The following SMG7 variants were observed in gnomAD, a reference collection of about 807,000 sequenced individuals.
SMG7 encodes SMG7 nonsense mediated mRNA decay factor, also known as nonsense-mediated mRNA decay factor SMG7.
In SMG7, 34 loss-of-function variants were observed where a neutral mutation model predicts 148.2. The observed-to-expected ratio is 0.23, with a 90% confidence interval of 0.17 to 0.31. SMG7 has a LOEUF of 0.31. Ranked by LOEUF, SMG7 falls within the 10% of genes least tolerant of loss-of-function variation. The pLI is 1.00. For missense variants in SMG7, 1,114 were observed against 1,408.4 expected, an observed-to-expected ratio of 0.79 and a Z score of 3.35; for synonymous variants, 492 against 515.1, an observed-to-expected ratio of 0.96 and a Z score of 0.61.
At chr1:183,482,228 G>T (rs1475269253) in intron 1 of SMG7, among the ~76,000 whole-genome samples, 1 of 151,786 alleles carries the variant, frequency 6.6e-6, no homozygotes, top group African/African-American at 2.4e-5. Context: ...TTGTGTGGGG[G>T]TGGGGGGTCT....
intron 2 of SMG7, among the ~76,000 whole-genome samples, chr1:183,515,378 G>C (rs759511832): frequency 2.6e-5 from 4 of 152,158 alleles, no homozygotes; most frequent in Admixed American, 1.3e-4. Context: ...TAGATAATCA[G>C]CTGATGTGAG....
rs745921860 is a variant in SMG7, at chr1:183,550,928, T to A, written c.3304+7T>A. The A allele has an allele frequency of 9.9e-6, 16 of 1,614,044 alleles. No individual in the cohort carries two copies. The highest frequency in any genetic ancestry group is 1.4e-5 in the Non-Finnish European group (16 of 1,179,960). On this transcript the variant is annotated splice_region_variant and intron_variant, in intron 21 of 22. Coordinates refer to ENST00000688051, the MANE Select transcript of SMG7 (RefSeq NM_001375584.1). Reference sequence around the variant, plus strand: ...TGGAAAACTGATAAGCCAGGTGAGATCTACATTTCATTGCCAGGCAAAATT... The same window carrying A: ...TGGAAAACTGATAAGCCAGGTGAGAACTACATTTCATTGCCAGGCAAAATT...
rs561822271 is a variant in SMG7, at chr1:183,494,750, C to T, written c.30-18087C>T. On this transcript the variant is annotated intron_variant, in intron 1 of 22. Transcript: ENST00000688051. Reference sequence around the variant, plus strand: ...TTTTCTGATAAGAACTTAGCTAGCCCTTGTTCTTTTTTTTTTTTTTTTTTT... The same window carrying T: ...TTTTCTGATAAGAACTTAGCTAGCCTTTGTTCTTTTTTTTTTTTTTTTTTT... Among the ~76,000 whole-genome samples the T allele has an allele frequency of 3.5e-5, 4 of 115,332 alleles. No individual in the cohort carries two copies. The East Asian group carries it at 8.5e-4, about 24-fold the overall frequency. 75.7% of individuals were successfully genotyped at this position (115,332 alleles called of 152,430 possible).
intron 4 of SMG7, among the ~76,000 whole-genome samples, chr1:183,525,508 A>G (rs1665661080): frequency 6.6e-6 from 1 of 152,192 alleles, no homozygotes; most frequent in South Asian, 2.1e-4. Context: ...GAGAAGAAGG[A>G]GAGACATTAA....
chr1:183,517,920 T>C, intron 4 of SMG7, 100 bp downstream of exon 4: 1 of 1,206,810 alleles, frequency 8.3e-7, no homozygotes, highest in Non-Finnish European at 1.2e-6. Flanking sequence ...GTAACCACTA[T>C]GTGGGCCATC....
intron 13 of SMG7, among the ~76,000 whole-genome samples, chr1:183,541,537 C>G (rs1003781129): frequency 6.6e-6 from 1 of 151,944 alleles, no homozygotes; most frequent in Non-Finnish European, 1.5e-5. Context: ...GGGAAAAGAA[C>G]GCAGGTTTTG....
rs747121044 is a variant in SMG7 at position 183,512,910 on chromosome 1, A to G, written c.61+42A>G. 7.2e-6 allele frequency: 11 copies of G among 1,520,642 alleles called. No individual in the cohort carries two copies. The Admixed American group carries it at 2.3e-4, about 31-fold the overall frequency. The allele number at this position is 1,520,642 out of a possible 1,614,324, so 94.2% of individuals were successfully genotyped here. A position where few individuals can be genotyped will look rare whatever the true frequency, so the allele number is the denominator to read the frequency against. ...TTCTTTTTCACAACATATTTTATATATTAAATTAATGGAAGGATATCCTCT... is the reference window on the plus strand; with the variant it reads ...TTCTTTTTCACAACATATTTTATATGTTAAATTAATGGAAGGATATCCTCT... On this transcript the variant is annotated intron_variant, in intron 2 of 22. Coordinates refer to ENST00000688051, the MANE Select transcript of SMG7 (RefSeq NM_001375584.1).
intron 4 of SMG7, among the ~76,000 whole-genome samples, chr1:183,518,095 A>T (rs982121724): frequency 6.6e-6 from 1 of 152,140 alleles, no homozygotes; most frequent in Non-Finnish European, 1.5e-5. Context: ...ACTAAGGTGC[A>T]TGCCAACACG....
chr1:183,512,976 C>A, intron 2 of SMG7, 108 bp downstream of exon 2: 2 of 959,912 alleles, frequency 2.1e-6, no homozygotes, highest in Non-Finnish European at 3.1e-6. Flanking sequence ...TCTTAGTTGC[C>A]AAAAGGGATG....
intron 1 of SMG7, among the ~76,000 whole-genome samples, chr1:183,482,088 A>T (rs1049796341): frequency 6.6e-6 from 1 of 152,228 alleles, no homozygotes; most frequent in Non-Finnish European, 1.5e-5. Context: ...GAAGAACTCT[A>T]AAAGAATCCT....
At chr1:183,493,859 C>T (rs541182148) in intron 1 of SMG7, among the ~76,000 whole-genome samples, 3 of 152,296 alleles carry the variant, frequency 2.0e-5, no homozygotes, top group South Asian at 2.1e-4. Context: ...GGATTACAGG[C>T]GTGAGTCATA....
intron 1 of SMG7, among the ~76,000 whole-genome samples, chr1:183,477,634 A>T (rs1464129322): frequency 2.3e-5 from 3 of 128,624 alleles, no homozygotes; most frequent in Non-Finnish European, 5.0e-5. Flanking sequence ...ATATGTGTAT[A>T]TATGCATATA....
chr1:183,542,557 G>A (rs949942430), intron 14 of SMG7, 55 bp downstream of exon 14: 9 of 1,460,598 alleles, frequency 6.2e-6, no homozygotes, highest in Non-Finnish European at 7.4e-6. Flanking sequence ...CAAAAGGCAA[G>A]ATTTTTCATT....
chr1:183,528,459 A>G (rs1666289389), intron 6 of SMG7, among the ~76,000 whole-genome samples: 1 of 152,196 alleles, frequency 6.6e-6, no homozygotes. Context: ...ATTACAGCAG[A>G]TATTTAATTA....
chr1:183,518,504 T>C (rs895463089), intron 4 of SMG7: 2 of 152,218 alleles, frequency 1.3e-5, no homozygotes, highest in African/African-American at 2.4e-5. Flanking sequence ...AAATTTGTAA[T>C]ATCAAGTGAG....
intron 2 of SMG7, among the ~76,000 whole-genome samples, chr1:183,513,509 T>A (rs1240487664): frequency 6.6e-6 from 1 of 151,760 alleles, no homozygotes; most frequent in Non-Finnish European, 1.5e-5. Flanking sequence ...GTAGGTGTGA[T>A]TATAGGCACA....
At position 183,545,990 on chromosome 1, in the gene SMG7, C is replaced by G; in HGVS notation, c.2395C>G (p.Gln799Glu). Residue 799 changes from glutamine (Q) to glutamate (E), a missense_variant, in exon 17 of 23, where the codon CAG (glutamine) becomes GAG (glutamate). Physicochemically the swap from Gln to Glu is conservative, Grantham distance 29. Transcript: ENST00000688051. ...QQYQQADASK[Q>E]LWNPPQVQGP... ...GTATCAACAGGCAGATGCCTCCAAACAGCTGTGGAATCCCCCTCAGGTTCA... is the reference window on the plus strand; with the variant it reads ...GTATCAACAGGCAGATGCCTCCAAAGAGCTGTGGAATCCCCCTCAGGTTCA... 1 of 1,606,214 alleles carries G rather than the reference C, an allele frequency of 6.2e-7. No homozygotes were observed. The highest frequency in any genetic ancestry group is 1.3e-5 in the African/African-American group (1 of 74,348).
intron 6 of SMG7, 38 bp from the exon 7 acceptor site, chr1:183,528,852 ACT>A (rs1178250970): frequency 6.5e-7 from 1 of 1,534,928 alleles, no homozygotes; most frequent in African/African-American, 1.4e-5. Context: ...AGACTTTGTC[ACT>A]CTTGGGGTTA....
intron 1 of SMG7, among the ~76,000 whole-genome samples, chr1:183,506,670 CG>C (rs1169283886): frequency 6.8e-6 from 1 of 146,102 alleles, no homozygotes; most frequent in African/African-American, 2.5e-5. Context: ...AAAAAAAACA[CG>C]AAAAAACTCC....
Sources: allele counts gnomAD v4.1 joint callset (sites outside exome capture counted in the v4.1 genomes callset), GRCh38; gene constraint gnomAD v4.1.1; transcripts MANE v1.5; gene names NCBI Gene and HGNC (gene_info 2026-07-23, HGNC 2026-07-21).